The following PPP1R3A variants were observed in gnomAD, a reference collection of about 807,000 sequenced individuals.
PPP1R3A encodes the protein protein phosphatase 1 regulatory subunit 3A.
A neutral mutation model predicts 41.7 loss-of-function variants in PPP1R3A; 29 were observed. The ratio of observed to expected loss-of-function variants is 0.70; its 90% CI spans 0.52 to 0.95. The LOEUF (loss-of-function observed/expected upper bound fraction) is 0.95, where lower values mean the gene tolerates loss of function less well. PPP1R3A is among the 40% of genes least tolerant of loss of function. PPP1R3A has a pLI of 0.00. For missense variants in PPP1R3A, 1,352 were observed against 1,292.4 expected (o/e 1.05, Z -0.71); for synonymous variants, 485 against 453.4 (o/e 1.07, Z -0.89).
intron 1 of PPP1R3A, among the ~76,000 whole-genome samples, chr7:113,895,909 G>C (rs897242475): frequency 6.6e-6 from 1 of 151,756 alleles, no homozygotes. Flanking sequence ...GCACCTTTTT[G>C]TCAATTCTTC....
At chr7:113,900,811 C>A (rs976488451) in intron 1 of PPP1R3A, among the ~76,000 whole-genome samples, 8 of 148,552 alleles carry the variant, frequency 5.4e-5, no homozygotes, top group Non-Finnish European at 1.2e-4. Flanking sequence ...TATATATACT[C>A]CTAATTTTAT....
intron 3 of PPP1R3A, among the ~76,000 whole-genome samples, chr7:113,880,868 G>C (rs1796680516): frequency 6.6e-6 from 1 of 152,016 alleles, no homozygotes; most frequent in South Asian, 2.1e-4. Flanking sequence ...CACAGATTTG[G>C]TTGTATTTCC....
chr7:113,879,610 C>T lies in PPP1R3A; in HGVS notation c.1482G>A (p.Ser494=), dbSNP rs776131913. 87 of 1,613,030 alleles carry T rather than the reference C, an allele frequency of 5.4e-5. No homozygotes were observed. Among genetic ancestry groups the T allele is most frequent in the Admixed American group, 4.3e-4 (26 of 59,790 alleles). ...CLRRDFHSDT[S]ACLKESTEEG... is the part of the protein sequence containing the mutation. ...CTTCTGTTGATTCTTTGAGACATGC[C>T]GACGTATCTGAATGGAAATCTCTTC... The change falls in exon 4 of 4, where the codon TCG becomes TCA. Residue 494 remains serine (S), a synonymous_variant. Coordinates refer to ENST00000284601, the MANE Select transcript of PPP1R3A (RefSeq NM_002711.4).
Position 113,891,602 on chromosome 7 carries a change from G to A in PPP1R3A, c.783-9282C>T, listed in dbSNP as rs150008442. Among the ~76,000 whole-genome samples the A allele has an allele frequency of 8.6e-5, 13 of 152,002 alleles. No individual in the cohort carries two copies. In the East Asian group the frequency reaches 9.7e-4, roughly 11 times the overall value. Reference sequence around the variant, plus strand: ...TAAAAGTATCCTCTCTAAATACAACGTACACTGGCATGATAATTTGCACCT... The same window carrying A: ...TAAAAGTATCCTCTCTAAATACAACATACACTGGCATGATAATTTGCACCT... On this transcript the variant is annotated intron_variant, in intron 1 of 3. Coordinates refer to ENST00000284601, the MANE Select transcript of PPP1R3A (RefSeq NM_002711.4).
rs189077377 is a variant in PPP1R3A, at chr7:113,897,168, G to C, written c.783-14848C>G. ...CTCTTAAATTTCAGGAGATACAGACGCTTAGTTCTTTACTTGTAAACTCCA... is the reference window on the plus strand; with the variant it reads ...CTCTTAAATTTCAGGAGATACAGACCCTTAGTTCTTTACTTGTAAACTCCA... On this transcript the variant is annotated intron_variant, in intron 1 of 3. Coordinates refer to ENST00000284601, the MANE Select transcript of PPP1R3A (RefSeq NM_002711.4). Among the ~76,000 whole-genome samples the C allele has an allele frequency of 5.3e-5, 8 of 151,794 alleles. No individual in the cohort carries two copies. In the East Asian group the frequency reaches 1.2e-3, roughly 22 times the overall value.
chr7:113,916,601 T>C (rs534520718), intron 1 of PPP1R3A, among the ~76,000 whole-genome samples: 1 of 152,192 alleles, frequency 6.6e-6, no homozygotes, highest in Admixed American at 6.6e-5. Flanking sequence ...CTGCCTCTTT[T>C]ATGAGCTTTT....
chr7:113,897,161 T>TA (rs1298185473), intron 1 of PPP1R3A, among the ~76,000 whole-genome samples: 1 of 151,878 alleles, frequency 6.6e-6, no homozygotes, highest in Non-Finnish European at 1.5e-5. Context: ...TTTCAGGAGA[T>TA]ACAGACGCTT....
intron 1 of PPP1R3A, among the ~76,000 whole-genome samples, chr7:113,906,182 T>C (rs1459037880): frequency 6.6e-6 from 1 of 151,834 alleles, no homozygotes; most frequent in Admixed American, 6.6e-5. Context: ...GTCTACAAGA[T>C]GTTACAATGA....
intron 1 of PPP1R3A, among the ~76,000 whole-genome samples, chr7:113,910,055 C>T (rs1797217308): frequency 6.6e-6 from 1 of 152,068 alleles, no homozygotes; most frequent in African/African-American, 2.4e-5. Context: ...TCTTACATGA[C>T]AGCAGGCAAG....
intron 1 of PPP1R3A, among the ~76,000 whole-genome samples, chr7:113,886,912 T>A (rs1412958320): frequency 6.6e-6 from 1 of 152,182 alleles, no homozygotes; most frequent in Non-Finnish European, 1.5e-5. Flanking sequence ...TTCACCTTTA[T>A]GTTCCTCGAG....
At chr7:113,913,781 C>T (rs1031945285) in intron 1 of PPP1R3A, among the ~76,000 whole-genome samples, 2 of 152,078 alleles carry the variant, frequency 1.3e-5, no homozygotes, top group African/African-American at 4.8e-5. Context: ...TTCTAGAAAA[C>T]CTCAAGTGGA....
intron 1 of PPP1R3A, among the ~76,000 whole-genome samples, chr7:113,890,203 CA>C (rs1796856577): frequency 6.6e-6 from 1 of 152,136 alleles, no homozygotes; most frequent in Admixed American, 6.6e-5. Flanking sequence ...GGCACAAATT[CA>C]AACCCAAACA....
chr7:113,883,058 C>CT (rs1220133473), intron 1 of PPP1R3A, among the ~76,000 whole-genome samples: 1 of 151,868 alleles, frequency 6.6e-6, no homozygotes, highest in African/African-American at 2.4e-5. Flanking sequence ...AGACAAATAC[C>CT]TTTTTCCTTC....
intron 3 of PPP1R3A, among the ~76,000 whole-genome samples, chr7:113,881,378 C>A (rs1460217999): frequency 6.6e-6 from 1 of 151,970 alleles, no homozygotes. Context: ...TTATGTGACT[C>A]ATTTACTCCT....
intron 1 of PPP1R3A, among the ~76,000 whole-genome samples, chr7:113,886,428 G>T (rs1005066697): frequency 5.9e-5 from 9 of 152,106 alleles, no homozygotes; most frequent in Non-Finnish European, 1.2e-4. Flanking sequence ...GATGTGACTT[G>T]CTCCTCCTTG....
At chr7:113,892,892 C>A (rs142178316) in intron 1 of PPP1R3A, among the ~76,000 whole-genome samples, 1 of 151,984 alleles carries the variant, frequency 6.6e-6, no homozygotes, top group Admixed American at 6.6e-5. Context: ...TAAGGCACAT[C>A]GTTTTGTTTT....
At chr7:113,880,237 A>G in intron 3 of PPP1R3A, 112 bp from the exon 4 acceptor site, 1 of 1,006,382 alleles carries the variant, frequency 9.9e-7, no homozygotes, top group Non-Finnish European at 1.4e-6. Flanking sequence ...GATTTCTTTG[A>G]CTGATTTCAT....
chr7:113,889,775 C>T (rs1796846965), intron 1 of PPP1R3A, among the ~76,000 whole-genome samples: 1 of 152,122 alleles, frequency 6.6e-6, no homozygotes, highest in Non-Finnish European at 1.5e-5. Flanking sequence ...TGTATTTATT[C>T]ATTCAATGCA....
At chr7:113,885,329 G>A (rs2129115070) in intron 1 of PPP1R3A, among the ~76,000 whole-genome samples, 1 of 152,262 alleles carries the variant, frequency 6.6e-6, no homozygotes, top group African/African-American at 2.4e-5. Flanking sequence ...TTACAGGCAT[G>A]AGCCACCGCA....
Sources: allele counts gnomAD v4.1 joint callset (sites outside exome capture counted in the v4.1 genomes callset), GRCh38; gene constraint gnomAD v4.1.1; transcripts MANE v1.5; gene names NCBI Gene and HGNC (gene_info 2026-07-23, HGNC 2026-07-21).